Variants in FCRL5 observed in about 807,000 individuals in gnomAD.
FCRL5 encodes Fc receptor-like protein 5.
FCRL5 carries 79 observed loss-of-function variants against 92.1 expected under a neutral mutation model. The observed-to-expected ratio is 0.86, with a 90% confidence interval of 0.72 to 1.03. The LOEUF is 1.03. FCRL5 is among the 50% of genes least tolerant of loss of function. The probability of loss-of-function intolerance (pLI) is 0.00; values close to 1 mark genes in which losing one functional copy is unlikely to be tolerated. For missense variants in FCRL5, 1,160 were observed against 1,181.1 expected, an observed-to-expected ratio of 0.98 and a Z score of 0.26; for synonymous variants, 466 against 469.3, an observed-to-expected ratio of 0.99 and a Z score of 0.09.
intron 6 of FCRL5, chr1:157,541,807 A>G (rs1651275916): frequency 6.6e-6 from 1 of 152,280 alleles, no homozygotes; most frequent in South Asian, 2.1e-4. Context: ...AGATGTCAGT[A>G]CAGTCTGGTC....
At chr1:157,542,192 G>C (rs1399982756) in intron 6 of FCRL5, 2 of 152,484 alleles carry the variant, frequency 1.3e-5, no homozygotes, top group Non-Finnish European at 2.9e-5. Flanking sequence ...AGCCATGCAT[G>C]GATGGTTCGA....
At position 157,550,193 on chromosome 1, in the gene FCRL5, C is replaced by T. The variant is rs140033489; in HGVS notation, c.32-613G>A. On this transcript the variant is annotated intron_variant, in intron 1 of 16. Transcript: ENST00000361835. ...GTTGGGGGAAATAAGACCAGAGAAG[C>T]ATGCAGGGCCTGAGTAAGTGGTTCT... is the stretch of plus-strand genomic sequence containing the variant. Among the ~76,000 whole-genome samples, 89 of 152,198 alleles carry T rather than the reference C, an allele frequency of 5.8e-4. 1 individual carries two copies. The East Asian group carries it at 0.012, about 21-fold the overall frequency.
intron 15 of FCRL5, among the ~76,000 whole-genome samples, chr1:157,516,671 A>G (rs572865158): frequency 1.3e-5 from 2 of 152,364 alleles, no homozygotes; most frequent in South Asian, 4.1e-4. Flanking sequence ...GATATTATAA[A>G]TTATTATTGT....
intron 9 of FCRL5, among the ~76,000 whole-genome samples, chr1:157,525,346 C>A (rs964639393): frequency 1.3e-5 from 2 of 152,142 alleles, no homozygotes; most frequent in Non-Finnish European, 1.5e-5. Flanking sequence ...TATGTGCAAA[C>A]GCCCTGAGTT....
intron 1 of FCRL5, among the ~76,000 whole-genome samples, chr1:157,551,100 T>A (rs576675358): frequency 1.4e-4 from 22 of 152,370 alleles, no homozygotes; most frequent in African/African-American, 5.3e-4. Context: ...TTCTATATGG[T>A]CTGCATTTAC....
chr1:157,523,213 A>G (rs1650276786), intron 10 of FCRL5, among the ~76,000 whole-genome samples: 1 of 152,368 alleles, frequency 6.6e-6, no homozygotes, highest in South Asian at 2.1e-4. Flanking sequence ...ATTTTGCTTT[A>G]CATGACTGGA....
intron 1 of FCRL5, among the ~76,000 whole-genome samples, chr1:157,549,781 C>T (rs1182274204): frequency 6.6e-6 from 1 of 151,748 alleles, no homozygotes; most frequent in Non-Finnish European, 1.5e-5. Flanking sequence ...GGTATTTGGA[C>T]TTCTACAATG....
At position 157,545,073 on chromosome 1, in the gene FCRL5, A is replaced by T; in HGVS notation, c.317T>A (p.Ile106Asn). The stretch of plus-strand genomic sequence containing the variant: ...AAACACAGAAAGTGGAGCTTGCAGG[A>T]TCAGCGAAGCTATGAGAAACACAAT... ...VHLDFSSASL[I>N]LQAPLSVFEG... is the part of the protein sequence containing the mutation. The change falls in exon 4 of 17, where the codon ATC becomes AAC. Residue 106 changes from isoleucine to asparagine, a missense_variant. By Grantham distance (149) the Ile-to-Asn change is moderately radical. Coordinates refer to ENST00000361835, the MANE Select transcript of FCRL5 (RefSeq NM_031281.3). 1 of 1,612,382 alleles carries T rather than the reference A, an allele frequency of 6.2e-7. No homozygotes were observed. The highest frequency in any genetic ancestry group is 8.5e-7 in the Non-Finnish European group (1 of 1,179,992).
chr1:157,534,409 G>C (rs1650838706), intron 8 of FCRL5: 1 of 720,910 alleles, frequency 1.4e-6, no homozygotes, highest in Admixed American at 2.0e-5. Flanking sequence ...GGTAAAAGCT[G>C]GGGAATCTAC....
chr1:157,538,500 T>G (rs1651085385), intron 7 of FCRL5, among the ~76,000 whole-genome samples: 1 of 152,234 alleles, frequency 6.6e-6, no homozygotes, highest in African/African-American at 2.4e-5. Flanking sequence ...CGTGAGGGCA[T>G]TAAGCCAAGC....
rs1651114255 is a variant in FCRL5, at chr1:157,539,068, C to T, written c.1402+18G>A. On this transcript the variant is annotated intron_variant, in intron 7 of 16. Transcript: ENST00000361835. ...CTCTTGGCCAGGGGTGGGTGATTGG[C>T]AGGAACCCAGGGCTTACCAGTGACG... 3.1e-6 allele frequency: 5 copies of T among 1,607,890 alleles called. No homozygotes were observed. The East Asian group carries it at 1.1e-4, about 36-fold the overall frequency.
At position 157,543,073 on chromosome 1, in the gene FCRL5, C is replaced by T. The variant is rs150744386; in HGVS notation, c.909G>A (p.Lys303=). 5 of 1,614,110 alleles carry T rather than the reference C, an allele frequency of 3.1e-6. No homozygotes were observed. The highest frequency in any genetic ancestry group is 3.4e-6 in the Non-Finnish European group (4 of 1,180,050). ...CCTGGGTTTCACAGTGAAGTGTCAC[C>T]TTGGTTCCCTCAAAATTCAGAGCCT... ...PEKALNFEGT[K]VTLHCETQED... is the part of the protein sequence containing the mutation. The change falls in exon 6 of 17, where the codon AAG becomes AAA. Residue 303 remains lysine, a synonymous_variant. Transcript: ENST00000361835.
intron 2 of FCRL5, among the ~76,000 whole-genome samples, chr1:157,548,677 T>C (rs1393977728): frequency 1.3e-5 from 2 of 152,122 alleles, no homozygotes; most frequent in Non-Finnish European, 2.9e-5. Context: ...AAAAGACACA[T>C]GAGAAAATGC....
At chr1:157,547,337 C>T (rs7531685) in intron 2 of FCRL5, 140 bp from the exon 3 acceptor site, 220,381 of 1,116,678 alleles carry the variant, frequency 0.2, 23,304 homozygotes, top group Middle Eastern at 0.29. Context: ...TAGCTCAAAG[C>T]TCCCTGTCAG....
Position 157,515,825 on chromosome 1 carries a change from C to T in FCRL5, c.2844+17G>A. The T allele has an allele frequency of 6.2e-7, 1 of 1,614,026 alleles. No homozygotes were observed. Among genetic ancestry groups the T allele is most frequent in the Non-Finnish European group, 8.5e-7 (1 of 1,179,948 alleles). On this transcript the variant is annotated intron_variant, in intron 16 of 16. Coordinates refer to ENST00000361835, the MANE Select transcript of FCRL5 (RefSeq NM_031281.3). ...GGGCCTGGGGGTGGGGGAGGGCATG[C>T]AGAAGGGGAGACTCACCTTGTTCCT...
Position 157,521,440 on chromosome 1 carries a change from C to T in FCRL5, c.2240-148G>A, listed in dbSNP as rs79408590. On this transcript the variant is annotated intron_variant, in intron 10 of 16. Coordinates refer to ENST00000361835, the MANE Select transcript of FCRL5 (RefSeq NM_031281.3). ...TGATAAAGCTAATTACTTTGACCTG[C>T]TAATAGTTTTCAGTGTACAAAAATA... is the stretch of plus-strand genomic sequence containing the variant. 5.1e-3 allele frequency: 4,879 copies of T among 950,634 alleles called. 166 individuals carry two copies. The African/African-American group carries it at 0.073, about 14-fold the overall frequency. The allele number at this position is 950,634 out of a possible 1,614,324, so 58.9% of individuals were successfully genotyped here.
intron 3 of FCRL5, 38 bp from the exon 4 acceptor site, chr1:157,545,120 C>T (rs2101643844): frequency 6.4e-7 from 1 of 1,570,416 alleles, no homozygotes; most frequent in Non-Finnish European, 8.6e-7. Flanking sequence ...GTTCATCCTA[C>T]TGTTTCCCCT....
chr1:157,531,096 A>C (rs1650676708), intron 8 of FCRL5, among the ~76,000 whole-genome samples: 1 of 152,242 alleles, frequency 6.6e-6, no homozygotes, highest in South Asian at 2.1e-4. Flanking sequence ...AGGTGTTAAC[A>C]TCCAGAATAT....
At chr1:157,534,170 C>T (rs1472820487) in intron 8 of FCRL5, 2 of 404,950 alleles carry the variant, frequency 4.9e-6, no homozygotes, top group Non-Finnish European at 9.2e-6. Flanking sequence ...CCTAGGGAGC[C>T]ATTTCCCCCT....
Sources: allele counts gnomAD v4.1 joint callset (sites outside exome capture counted in the v4.1 genomes callset), GRCh38; gene constraint gnomAD v4.1.1; transcripts MANE v1.5; gene names NCBI Gene and HGNC (gene_info 2026-07-23, HGNC 2026-07-21).